SLCO1C1: variants seen among roughly 807,000 people sequenced by gnomAD.
The protein encoded by SLCO1C1 is OAT-RP-5.
In SLCO1C1, 70 loss-of-function variants were observed where a neutral mutation model predicts 76.4. The ratio of observed to expected loss-of-function variants is 0.92; its 90% CI spans 0.76 to 1.12. The LOEUF (loss-of-function observed/expected upper bound fraction) is 1.12, where lower values mean the gene tolerates loss of function less well. SLCO1C1 is among the 50% of genes most tolerant of loss of function. SLCO1C1 has a pLI of 0.00. For missense variants in SLCO1C1, 912 were observed against 823.8 expected, an observed-to-expected ratio of 1.11 and a Z score of -1.31; for synonymous variants, 306 against 286.1, an observed-to-expected ratio of 1.07 and a Z score of -0.70.
chr12:20,713,965 ATTAGAG>A (rs555504029), intron 5 of SLCO1C1, among the ~76,000 whole-genome samples: 6 of 152,358 alleles, frequency 3.9e-5, no homozygotes, highest in Admixed American at 3.3e-4. Context: ...TAGAATGCAC[ATTAGAG>A]TTAATTTTTA....
At chr12:20,726,315 C>G (rs1854684780) in intron 9 of SLCO1C1, among the ~76,000 whole-genome samples, 1 of 151,018 alleles carries the variant, frequency 6.6e-6, no homozygotes, top group Non-Finnish European at 1.5e-5. Flanking sequence ...GAGATAGATA[C>G]AAAGAAGCAC....
intron 3 of SLCO1C1, 113 bp downstream of exon 3, chr12:20,701,572 C>CTT (rs34463708): frequency 0.39 from 198,597 of 507,940 alleles, 25,926 homozygotes; most frequent in African/African-American, 0.49. Context: ...TTCATAAAAT[C>CTT]TTTTTTTTTT....
At chr12:20,703,955 C>CTGTGTGTGTGTG (rs146325219) in intron 3 of SLCO1C1, among the ~76,000 whole-genome samples, 2,613 of 140,344 alleles carry the variant, frequency 0.019, 64 homozygotes, top group African/African-American at 0.044. Flanking sequence ...TCGAGTGTGT[C>CTGTGTGTGTGTG]TGTGTGTGTG....
intron 7 of SLCO1C1, among the ~76,000 whole-genome samples, chr12:20,717,916 A>G (rs1947464831): frequency 6.6e-6 from 1 of 151,786 alleles, no homozygotes; most frequent in South Asian, 2.1e-4. Flanking sequence ...TATAAACTAA[A>G]CAAGCGTCAC....
chr12:20,700,566 T>G (rs1222567312), intron 2 of SLCO1C1, among the ~76,000 whole-genome samples: 2 of 151,982 alleles, frequency 1.3e-5, no homozygotes, highest in Non-Finnish European at 2.9e-5. Flanking sequence ...GTCATTTACA[T>G]TAGGTATATC....
intron 12 of SLCO1C1, among the ~76,000 whole-genome samples, chr12:20,742,557 G>A (rs1948867667): frequency 6.8e-6 from 1 of 146,610 alleles, no homozygotes; most frequent in African/African-American, 2.4e-5. Context: ...CTTTTTAGAT[G>A]GAGTCTCGCT....
At chr12:20,731,942 TA>T (rs1369147296) in intron 9 of SLCO1C1, among the ~76,000 whole-genome samples, 1 of 152,196 alleles carries the variant, frequency 6.6e-6, no homozygotes, top group Non-Finnish European at 1.5e-5. Context: ...ATGCTATTAT[TA>T]GCTCCGTATT....
intron 1 of SLCO1C1, among the ~76,000 whole-genome samples, chr12:20,698,572 C>G (rs1396386944): frequency 1.3e-5 from 2 of 151,974 alleles, no homozygotes; most frequent in Non-Finnish European, 2.9e-5. Context: ...TGCATAAAGT[C>G]AAGGTGATAT....
intron 12 of SLCO1C1, among the ~76,000 whole-genome samples, chr12:20,742,055 C>G (rs188493428): frequency 6.6e-6 from 1 of 152,302 alleles, no homozygotes; most frequent in Non-Finnish European, 1.5e-5. Context: ...CACAAACCTG[C>G]TATTCTCAAA....
intron 4 of SLCO1C1, among the ~76,000 whole-genome samples, chr12:20,708,517 A>T (rs10770707): frequency 0.56 from 84,948 of 151,802 alleles, 24,584 homozygotes; most frequent in East Asian, 0.75. Context: ...TGGTTGCAGT[A>T]TCAAGTAGGG....
intron 3 of SLCO1C1, among the ~76,000 whole-genome samples, chr12:20,705,072 C>T (rs1278890813): frequency 6.6e-6 from 1 of 151,916 alleles, no homozygotes; most frequent in Non-Finnish European, 1.5e-5. Context: ...AACAAGTTTT[C>T]ATTTCCTTAA....
chr12:20,717,648 CTTTTTTTTTTTTTTTTTTTTTTTTTTTT>C (rs534946900), intron 7 of SLCO1C1, among the ~76,000 whole-genome samples: 646 of 42,392 alleles, frequency 0.015, 21 homozygotes, highest in African/African-American at 0.034. Flanking sequence ...AACAGCCCTT[CTTTTTTTTTTTTTTTTTTTTTTTTTTTT>C]TTTTTTTTTT....
chr12:20,711,939 T>G (rs770111570), intron 5 of SLCO1C1, among the ~76,000 whole-genome samples: 6 of 152,178 alleles, frequency 3.9e-5, no homozygotes, highest in Non-Finnish European at 7.3e-5. Flanking sequence ...CAACCTCCCT[T>G]TTTGTCCCCA....
chr12:20,746,670 T>TAACTGA (rs1949058825), intron 13 of SLCO1C1, among the ~76,000 whole-genome samples: 1 of 152,156 alleles, frequency 6.6e-6, no homozygotes, highest in African/African-American at 2.4e-5. Flanking sequence ...ACAGTACATT[T>TAACTGA]GCCTGAAGTA....
intron 9 of SLCO1C1, among the ~76,000 whole-genome samples, chr12:20,723,872 T>C (rs976277187): frequency 5.3e-5 from 8 of 152,168 alleles, no homozygotes; most frequent in Admixed American, 4.6e-4. Flanking sequence ...GCATAACATA[T>C]TTGTTTCTTG....
chr12:20,729,595 C>G (rs1948177810), intron 9 of SLCO1C1, among the ~76,000 whole-genome samples: 1 of 151,790 alleles, frequency 6.6e-6, no homozygotes, highest in Admixed American at 6.6e-5. Context: ...GTTTTGAGCC[C>G]TGGTGCCAAA....
chr12:20,725,495 T>G (rs1947933847), intron 9 of SLCO1C1, among the ~76,000 whole-genome samples: 1 of 147,486 alleles, frequency 6.8e-6, no homozygotes, highest in Non-Finnish European at 1.5e-5. Context: ...AAATTATTTA[T>G]AATAGTTAAA....
At position 20,714,208 on chromosome 12, in the gene SLCO1C1, A is replaced by G. The variant is rs574441647; in HGVS notation, c.530-931A>G. On this transcript the variant is annotated intron_variant, in intron 5 of 14. Transcript: ENST00000266509. Reference sequence around the variant, plus strand: ...CTTCACAATCAAAAATTAGTTTAAGAGTTATTAACAGGTAAAGATAACTCC... The same window carrying G: ...CTTCACAATCAAAAATTAGTTTAAGGGTTATTAACAGGTAAAGATAACTCC... Among the ~76,000 whole-genome samples the G allele has an allele frequency of 5.3e-5, 8 of 152,326 alleles. No homozygotes were observed. The South Asian group carries it at 1.7e-3, about 32-fold the overall frequency.
chr12:20,742,467 TAA>T (rs1444089065), intron 12 of SLCO1C1, among the ~76,000 whole-genome samples: 1 of 152,150 alleles, frequency 6.6e-6, no homozygotes, highest in Non-Finnish European at 1.5e-5. Context: ...CCAATCAGTT[TAA>T]GCTTTACAGT....
Sources: gnomAD v4.1 joint callset for allele counts (sites outside exome capture counted in the v4.1 genomes callset) on GRCh38, gnomAD v4.1.1 for gene constraint, MANE v1.5 for transcripts, NCBI Gene and HGNC (gene_info 2026-07-23, HGNC 2026-07-21) for gene names.